Variants in KDM3A observed in about 807,000 individuals in gnomAD.
The protein encoded by KDM3A is lysine demethylase 3A.
In KDM3A, 60 loss-of-function variants were observed where a neutral mutation model predicts 158.0. The observed-to-expected ratio is 0.38, with a 90% CI of 0.31 to 0.47. The LOEUF (loss-of-function observed/expected upper bound fraction) is 0.47. Ranked by LOEUF, KDM3A falls within the 20% of genes least tolerant of loss-of-function variation. The pLI, the probability that KDM3A is intolerant of heterozygous loss-of-function variation, is 0.99. For missense variants in KDM3A, 1,319 were observed against 1,574.3 expected (o/e 0.84, Z 2.74); for synonymous variants, 608 against 549.3 (o/e 1.11, Z -1.49).
chr2:86,457,475 CTCT>C (rs1474562357), intron 8 of KDM3A, among the ~76,000 whole-genome samples: 3 of 152,146 alleles, frequency 2.0e-5, no homozygotes, highest in Non-Finnish European at 4.4e-5. Context: ...TTGCTGTCTG[CTCT>C]TCTTTGCTAG....
intron 3 of KDM3A, among the ~76,000 whole-genome samples, chr2:86,450,553 C>T (rs1276306386): frequency 1.3e-5 from 2 of 152,098 alleles, no homozygotes; most frequent in Admixed American, 6.6e-5. Context: ...GAAGAGTGAG[C>T]GCTGTCTGGA....
At chr2:86,438,713 T>C (rs922141936), upstream of KDM3A, among the ~76,000 whole-genome samples, 1 of 152,088 alleles carries the variant, frequency 6.6e-6, no homozygotes, top group Non-Finnish European at 1.5e-5. Context: ...CTTTGACTAA[T>C]ACCCCTAATT....
chr2:86,456,780 TA>T, intron 6 of KDM3A, 24 bp from the exon 7 acceptor site: 1 of 1,568,850 alleles, frequency 6.4e-7, no homozygotes, highest in Non-Finnish European at 8.8e-7. Flanking sequence ...TATTTTCCGG[TA>T]TCTTTGTTTC....
Position 86,474,780 on chromosome 2 carries a change from C to G in KDM3A, c.1729C>G (p.Gln577Glu). 1.3e-6 allele frequency: 2 copies of G among 1,481,520 alleles called. No individual in the cohort carries two copies. Among genetic ancestry groups the G allele is most frequent in the South Asian group, 2.2e-5 (2 of 89,464 alleles). The allele number at this position is 1,481,520 out of a possible 1,614,324, so 91.8% of individuals were successfully genotyped here. ...FCRFFHFRRL[Q>E]FNKHGVLRVE... ...TTTTTCCCCTGCTTCCCCTAGGTTACAATTCAACAAACATGGTGTGTTGCG... is the reference window on the plus strand; with the variant it reads ...TTTTTCCCCTGCTTCCCCTAGGTTAGAATTCAACAAACATGGTGTGTTGCG... Residue 577 changes from glutamine (Q) to glutamate (E), a missense_variant, in exon 12 of 26, where the codon CAA becomes GAA. By Grantham distance (29) the Gln-to-Glu change is conservative. This residue lies in a region of KDM3A where 113 missense variants were observed against 190.5 expected (regional missense o/e 0.59). Transcript: ENST00000312912.
At chr2:86,450,096 C>T in intron 3 of KDM3A, 134 bp downstream of exon 3, 1 of 907,662 alleles carries the variant, frequency 1.1e-6, no homozygotes, top group African/African-American at 1.7e-5. Flanking sequence ...CTTTTAAGAA[C>T]TCTGCACTTC....
At chr2:86,491,615 T>G in intron 25 of KDM3A, 2 of 345,890 alleles carry the variant, frequency 5.8e-6, no homozygotes, top group South Asian at 8.1e-5. Context: ...GCTGCAGTGT[T>G]CTCATCACTC....
intron 5 of KDM3A, 82 bp from the exon 6 acceptor site, chr2:86,456,359 AG>A (rs1251731900): frequency 4.0e-6 from 4 of 999,184 alleles, no homozygotes; most frequent in Non-Finnish European, 5.6e-6. Context: ...AAAAAGACTT[AG>A]GAAAAGATTG....
At chr2:86,471,188 C>A (rs953568504) in intron 11 of KDM3A, among the ~76,000 whole-genome samples, 4 of 151,632 alleles carry the variant, frequency 2.6e-5, no homozygotes, top group African/African-American at 9.7e-5. Context: ...AAAATCTTTT[C>A]CAATTTTATA....
intron 8 of KDM3A, among the ~76,000 whole-genome samples, chr2:86,461,235 C>A (rs374484687): frequency 1.2e-4 from 18 of 152,132 alleles, no homozygotes; most frequent in African/African-American, 4.1e-4. Flanking sequence ...TCCAAATCTT[C>A]TCCTTGGTGT....
chr2:86,483,954 G>A (rs376443364), intron 18 of KDM3A, 33 bp from the exon 19 acceptor site: 1 of 1,582,996 alleles, frequency 6.3e-7, no homozygotes, highest in Non-Finnish European at 8.6e-7. Flanking sequence ...AGCTGGCAGA[G>A]TTCAGACTAA....
At chr2:86,463,155 C>A (rs79962575) in intron 8 of KDM3A, among the ~76,000 whole-genome samples, 6,639 of 152,112 alleles carry the variant, frequency 0.044, 478 homozygotes, top group African/African-American at 0.15. Flanking sequence ...AAGTTAATGA[C>A]TAGAAGATGA....
In KDM3A at chr2:86,444,400, T is replaced by C. The variant is rs1359264776; in HGVS notation, c.186+2167T>C. Among the ~76,000 whole-genome samples the C allele has an allele frequency of 3.9e-5, 6 of 152,280 alleles. No individual in the cohort carries two copies. In the East Asian group the frequency reaches 9.6e-4, roughly 24 times the overall value. On this transcript the variant is annotated intron_variant, in intron 2 of 25. Transcript: ENST00000312912. ...TGTAAGATGCCAATCTTCTGTCTCT[T>C]TTCTAGTCATGATTTATCACTGCAT... is the stretch of plus-strand genomic sequence containing the variant.
intron 18 of KDM3A, 93 bp downstream of exon 18, chr2:86,482,787 C>A: frequency 9.4e-7 from 1 of 1,064,062 alleles, no homozygotes; most frequent in Non-Finnish European, 1.4e-6. Flanking sequence ...GGCTTTCCCC[C>A]TCCTTCACCT....
At position 86,480,203 on chromosome 2, in the gene KDM3A, G is replaced by A; in HGVS notation, c.2353G>A (p.Val785Met). 3 of 1,613,346 alleles carry A rather than the reference G, an allele frequency of 1.9e-6. No individual in the cohort carries two copies. Among genetic ancestry groups the A allele is most frequent in the South Asian group, 2.2e-5 (2 of 91,038 alleles). ...TGGAGAAAAACCGACTCTTGGTGCA[G>A]TGCTCCAGCAGAATCCCTCAGTGTT... ...LAGEKPTLGA[V>M]LQQNPSVLEP... Residue 785 changes from valine (V) to methionine (M), a missense_variant, in exon 16 of 26, where the codon GTG becomes ATG. Transcript: ENST00000312912.
Position 86,492,354 on chromosome 2 carries a change from T to C in KDM3A, c.*235T>C, listed in dbSNP as rs561835140. ...TGACTTCTCACCTAGTGCAGAACTT[T>C]TACCAGGCTGTAAAAGCAAAACCTC... On this transcript the variant is annotated 3_prime_UTR_variant, in exon 26 of 26. Transcript: ENST00000312912. 3.8e-5 allele frequency: 17 copies of C among 445,658 alleles called. No individual in the cohort carries two copies. In the South Asian group the frequency reaches 5.2e-4, roughly 14 times the overall value. 27.6% of individuals were successfully genotyped at this position (445,658 alleles called of 1,614,324 possible).
chr2:86,485,897 A>G, intron 21 of KDM3A, 38 bp downstream of exon 21: 1 of 1,592,464 alleles, frequency 6.3e-7, no homozygotes, highest in Non-Finnish European at 8.6e-7. Flanking sequence ...TGGAAATAAA[A>G]CAATTCAAAA....
chr2:86,452,831 C>G (rs1056823288), intron 4 of KDM3A, among the ~76,000 whole-genome samples: 1 of 152,172 alleles, frequency 6.6e-6, no homozygotes, highest in Non-Finnish European at 1.5e-5. Flanking sequence ...AAACAGGATT[C>G]ATAATCTGAA....
Position 86,492,035 on chromosome 2 carries a change from T to G in KDM3A, c.3886-4T>G. 1 of 1,602,480 alleles carries G rather than the reference T, an allele frequency of 6.2e-7. No individual in the cohort carries two copies. The highest frequency in any genetic ancestry group is 8.5e-7 in the Non-Finnish European group (1 of 1,170,614). On this transcript the variant is annotated splice_polypyrimidine_tract_variant and splice_region_variant and intron_variant, in intron 25 of 25. Coordinates refer to ENST00000312912, the MANE Select transcript of KDM3A (RefSeq NM_018433.6). The stretch of plus-strand genomic sequence containing the variant: ...ATGCCCATATTTTCTCCTACTATTT[T>G]TAGGTGAAGAATGTTATCTACCATG...
chr2:86,487,684 T>G (rs1364234165), intron 21 of KDM3A: 1 of 152,222 alleles, frequency 6.6e-6, no homozygotes, highest in Admixed American at 6.5e-5. Context: ...CCCTACTGTT[T>G]CAGCTTTTTT....
Sources: allele counts gnomAD v4.1 joint callset (sites outside exome capture counted in the v4.1 genomes callset), GRCh38; gene constraint gnomAD v4.1.1; regional missense constraint gnomAD v4.1.1; transcripts MANE v1.5; gene names NCBI Gene and HGNC (gene_info 2026-07-23, HGNC 2026-07-21).